The following LMBR1 variants were observed in gnomAD, a reference collection of about 807,000 sequenced individuals.
LMBR1 encodes limb region 1 protein homolog.
Under a neutral mutation model 73.9 loss-of-function variants are expected in LMBR1, and 52 were observed. That is an observed-to-expected ratio of 0.70 (90% CI 0.56 to 0.89). LMBR1 has a LOEUF of 0.89. Ranked by LOEUF, LMBR1 falls within the 40% of genes least tolerant of loss-of-function variation. The probability of loss-of-function intolerance (pLI) is 0.00; values close to 1 mark genes in which losing one functional copy is unlikely to be tolerated. For missense variants in LMBR1, 539 were observed against 579.8 expected, an observed-to-expected ratio of 0.93 and a Z score of 0.72; for synonymous variants, 215 against 209.4, an observed-to-expected ratio of 1.03 and a Z score of -0.23.
chr7:156,740,015 A>T (rs1043811685), intron 9 of LMBR1, among the ~76,000 whole-genome samples: 3 of 152,136 alleles, frequency 2.0e-5, no homozygotes, highest in Non-Finnish European at 4.4e-5. Flanking sequence ...CAGAGAAGAA[A>T]TTCAGAATTT....
chr7:156,741,038 A>G (rs1818799445), intron 9 of LMBR1, among the ~76,000 whole-genome samples: 1 of 151,864 alleles, frequency 6.6e-6, no homozygotes, highest in Non-Finnish European at 1.5e-5. Context: ...AGTCTGTATT[A>G]GTTTTCTTTT....
chr7:156,844,319 G>A (rs73167903), intron 1 of LMBR1, among the ~76,000 whole-genome samples: 6,115 of 151,822 alleles, frequency 0.04, 178 homozygotes, highest in Non-Finnish European at 0.049. Flanking sequence ...ACAAGACTCC[G>A]TCTCACACAA....
At chr7:156,672,233 A>G (rs1802699279) in intron 4 of LMBR1, among the ~76,000 whole-genome samples, 1 of 152,220 alleles carries the variant, frequency 6.6e-6, no homozygotes, top group African/African-American at 2.4e-5. Context: ...TCTTTCAACA[A>G]GTGCCTACTA....
chr7:156,863,139 T>C (rs1316298089), intron 1 of LMBR1, among the ~76,000 whole-genome samples: 3 of 152,112 alleles, frequency 2.0e-5, no homozygotes, highest in African/African-American at 7.2e-5. Flanking sequence ...CAAATAGATA[T>C]ATATATATAA....
At chr7:156,854,100 G>A (rs549200340) in intron 1 of LMBR1, among the ~76,000 whole-genome samples, 1 of 152,238 alleles carries the variant, frequency 6.6e-6, no homozygotes, top group South Asian at 2.1e-4. Flanking sequence ...AAAGGAGCTT[G>A]GAAGTCATCT....
At chr7:156,770,025 C>T (rs1824888186) in intron 5 of LMBR1, among the ~76,000 whole-genome samples, 1 of 151,862 alleles carries the variant, frequency 6.6e-6, no homozygotes, top group Admixed American at 6.6e-5. Context: ...CTGTGACTGC[C>T]CAAGAATGAA....
chr7:156,805,145 T>C (rs991167819), intron 4 of LMBR1, among the ~76,000 whole-genome samples: 3 of 152,084 alleles, frequency 2.0e-5, no homozygotes, highest in Non-Finnish European at 2.9e-5. Context: ...TGACAATATA[T>C]GTATGTATCT....
At chr7:156,672,376 GAGATAGGACCTGT>G (rs1272372543) in intron 4 of LMBR1, among the ~76,000 whole-genome samples, 2 of 152,132 alleles carry the variant, frequency 1.3e-5, no homozygotes, top group African/African-American at 2.4e-5. Context: ...ACTAATAAAG[GAGATAGGACCTGT>G]ATGCCACAGT....
chr7:156,705,449 C>G lies in LMBR1; in HGVS notation c.1226-17258G>C, dbSNP rs56755693. ...TAGCATGTGCCTGTAGTCCCAGCTA[C>G]TTGGGAGGCTGAGGTGGAAGGACTG... is the stretch of plus-strand genomic sequence containing the variant. On this transcript the variant is annotated intron_variant, in intron 15 of 16. Transcript: ENST00000353442. Among the ~76,000 whole-genome samples the G allele has an allele frequency of 6.2e-3, 950 of 152,236 alleles. 10 individuals are homozygous for G. The highest frequency in any genetic ancestry group is 0.022 in the African/African-American group (905 of 41,544).
At chr7:156,864,342 C>A (rs1798151939) in intron 1 of LMBR1, among the ~76,000 whole-genome samples, 1 of 152,096 alleles carries the variant, frequency 6.6e-6, no homozygotes, top group South Asian at 2.1e-4. Flanking sequence ...TTTAAGTTAA[C>A]AGCAGCCTAT....
At chr7:156,878,213 C>T (rs2134420331) in intron 1 of LMBR1, among the ~76,000 whole-genome samples, 1 of 152,216 alleles carries the variant, frequency 6.6e-6, no homozygotes, top group East Asian at 1.9e-4. Flanking sequence ...AGCAATCAGA[C>T]AAGAGAAAGA....
intron 10 of LMBR1, among the ~76,000 whole-genome samples, chr7:156,731,122 T>A (rs1032337960): frequency 6.6e-6 from 1 of 151,596 alleles, no homozygotes; most frequent in Non-Finnish European, 1.5e-5. Context: ...AAACAGAAAA[T>A]CTAGAACTGA....
chr7:156,743,633 T>C (rs1159877054), intron 9 of LMBR1, among the ~76,000 whole-genome samples: 1 of 152,224 alleles, frequency 6.6e-6, no homozygotes, highest in Non-Finnish European at 1.5e-5. Flanking sequence ...TTCTGCTCAT[T>C]ATATTTGTTC....
At chr7:156,741,509 A>C (rs999277042) in intron 9 of LMBR1, among the ~76,000 whole-genome samples, 2 of 152,212 alleles carry the variant, frequency 1.3e-5, no homozygotes, top group African/African-American at 4.8e-5. Flanking sequence ...AGCTATACTT[A>C]TATCAGACAA....
chr7:156,817,918 C>T (rs747063136), intron 4 of LMBR1, among the ~76,000 whole-genome samples: 14 of 152,128 alleles, frequency 9.2e-5, no homozygotes, highest in Non-Finnish European at 1.6e-4. Context: ...CAGAAAAGCA[C>T]TCCACTGTTT....
At chr7:156,672,376 G>A (rs929049099) in intron 4 of LMBR1, among the ~76,000 whole-genome samples, 1 of 152,132 alleles carries the variant, frequency 6.6e-6, no homozygotes, top group African/African-American at 2.4e-5. Context: ...ACTAATAAAG[G>A]AGATAGGACC....
intron 9 of LMBR1, among the ~76,000 whole-genome samples, chr7:156,748,262 T>C (rs6943330): frequency 0.23 from 34,512 of 152,058 alleles, 4,802 homozygotes; most frequent in African/African-American, 0.4. Flanking sequence ...AATTGTTAAA[T>C]AATCAACTTT....
chr7:156,765,151 C>G (rs1375873719), intron 5 of LMBR1, among the ~76,000 whole-genome samples: 1 of 152,194 alleles, frequency 6.6e-6, no homozygotes, highest in Non-Finnish European at 1.5e-5. Context: ...TTCCACTTCA[C>G]AACTTTCAAA....
At chr7:156,713,131 A>G (rs149348907) in intron 15 of LMBR1, among the ~76,000 whole-genome samples, 1 of 152,274 alleles carries the variant, frequency 6.6e-6, no homozygotes, top group African/African-American at 2.4e-5. Context: ...AATGAAAGAA[A>G]CCTATCTGAA....
Sources: allele counts gnomAD v4.1 joint callset (sites outside exome capture counted in the v4.1 genomes callset), GRCh38; gene constraint gnomAD v4.1.1; transcripts MANE v1.5; gene names NCBI Gene and HGNC (gene_info 2026-07-23, HGNC 2026-07-21).